The following HMBOX1 variants were observed in gnomAD, a reference collection of about 807,000 sequenced individuals.
The protein encoded by HMBOX1 is homeobox-containing protein 1.
In HMBOX1, 14 loss-of-function variants were observed where a neutral mutation model predicts 54.5. That is an observed-to-expected ratio of 0.26 (90% CI 0.17 to 0.40). The LOEUF (loss-of-function observed/expected upper bound fraction) is 0.40. Among genes scored for constraint, HMBOX1 ranks in the 10% least tolerant of loss-of-function variants. The probability of loss-of-function intolerance (pLI) is 1.00; values close to 1 mark genes in which losing one functional copy is unlikely to be tolerated. For synonymous variants in HMBOX1, 160 were observed against 181.0 expected, an observed-to-expected ratio of 0.88 and a Z score of 0.93; for missense variants, 332 against 514.4, an observed-to-expected ratio of 0.65 and a Z score of 3.43.
At chr8:29,013,662 A>T (rs893588453) in intron 5 of HMBOX1, among the ~76,000 whole-genome samples, 1 of 152,278 alleles carries the variant, frequency 6.6e-6, no homozygotes, top group Admixed American at 6.5e-5. Context: ...AAATAGGCTG[A>T]TGGAAACTAA....
chr8:29,039,307 GT>G (rs1804462123), intron 6 of HMBOX1, among the ~76,000 whole-genome samples: 1 of 152,106 alleles, frequency 6.6e-6, no homozygotes. Flanking sequence ...CAAAATCAAA[GT>G]TATTAGATCT....
chr8:28,922,062 G>A (rs1277784122), intron 1 of HMBOX1, among the ~76,000 whole-genome samples: 1 of 152,174 alleles, frequency 6.6e-6, no homozygotes, highest in Non-Finnish European at 1.5e-5. Flanking sequence ...AATATAGTTG[G>A]TTCTGTATAT....
intron 1 of HMBOX1, among the ~76,000 whole-genome samples, chr8:28,941,232 T>C (rs1563432450): frequency 6.6e-6 from 1 of 152,198 alleles, no homozygotes; most frequent in Non-Finnish European, 1.5e-5. Flanking sequence ...AAAGAGATTG[T>C]ATATGTTAAC....
At chr8:29,004,310 G>C (rs1484080520) in intron 4 of HMBOX1, among the ~76,000 whole-genome samples, 1 of 152,198 alleles carries the variant, frequency 6.6e-6, no homozygotes, top group African/African-American at 2.4e-5. Context: ...TTACTAACAT[G>C]TAAGAAGCTA....
intron 2 of HMBOX1, 69 bp from the exon 3 acceptor site, chr8:28,969,974 A>G: frequency 4.3e-6 from 4 of 936,506 alleles, no homozygotes; most frequent in Non-Finnish European, 6.6e-6. Flanking sequence ...TCTTCTGAGC[A>G]TTCTGTATAA....
At chr8:28,948,136 G>A (rs933635805) in intron 1 of HMBOX1, among the ~76,000 whole-genome samples, 5 of 152,108 alleles carry the variant, frequency 3.3e-5, no homozygotes, top group Admixed American at 3.3e-4. Context: ...TTCTCAGTAA[G>A]ACTTTCTCTG....
chr8:28,989,589 C>G (rs1462060494), intron 4 of HMBOX1, among the ~76,000 whole-genome samples: 1 of 152,124 alleles, frequency 6.6e-6, no homozygotes, highest in Non-Finnish European at 1.5e-5. Context: ...ATCCTTATAC[C>G]AATACAAACT....
chr8:28,892,022 C>A (rs1460496339), intron 1 of HMBOX1, among the ~76,000 whole-genome samples: 1 of 152,058 alleles, frequency 6.6e-6, no homozygotes, highest in Admixed American at 6.6e-5. Context: ...TCCTTAAGTC[C>A]TTCCTTTCTT....
intron 4 of HMBOX1, among the ~76,000 whole-genome samples, chr8:28,997,512 T>TAC: frequency 6.6e-6 from 1 of 152,256 alleles, no homozygotes; most frequent in East Asian, 1.9e-4. Flanking sequence ...TAGCATTTTG[T>TAC]TGAGGAGTTT....
At chr8:28,920,226 A>G (rs1265058970) in intron 1 of HMBOX1, among the ~76,000 whole-genome samples, 2 of 152,212 alleles carry the variant, frequency 1.3e-5, no homozygotes, top group African/African-American at 2.4e-5. Flanking sequence ...GCCTCTCTGC[A>G]TCAAATTCGT....
intron 4 of HMBOX1, 35 bp downstream of exon 4, chr8:28,980,191 G>A (rs1829106885): frequency 1.2e-5 from 17 of 1,439,288 alleles, no homozygotes; most frequent in Non-Finnish European, 1.7e-5. Context: ...CTGGAATCAT[G>A]TGTAGTCTCT....
intron 5 of HMBOX1, among the ~76,000 whole-genome samples, chr8:29,015,118 C>T (rs758010539): frequency 6.6e-6 from 1 of 152,050 alleles, no homozygotes; most frequent in Non-Finnish European, 1.5e-5. Flanking sequence ...ACTGTCTTGA[C>T]AATACTGAAT....
At chr8:28,949,761 CA>C (rs1421313609) in intron 1 of HMBOX1, 1 of 151,972 alleles carries the variant, frequency 6.6e-6, no homozygotes, top group Non-Finnish European at 1.5e-5. Flanking sequence ...TAGGGAAAGA[CA>C]GATAGGTATA....
intron 6 of HMBOX1, among the ~76,000 whole-genome samples, chr8:29,037,555 T>C (rs533524697): frequency 4.6e-5 from 7 of 152,336 alleles, no homozygotes; most frequent in African/African-American, 1.7e-4. Context: ...TATTTCATTT[T>C]AGTCATTTTT....
intron 1 of HMBOX1, among the ~76,000 whole-genome samples, chr8:28,936,073 A>G (rs1444284268): frequency 6.6e-6 from 1 of 152,122 alleles, no homozygotes; most frequent in Admixed American, 6.5e-5. Context: ...TATTATACAT[A>G]GTTGGTCCTT....
intron 1 of HMBOX1, among the ~76,000 whole-genome samples, chr8:28,892,434 C>A (rs1438106626): frequency 6.6e-6 from 1 of 152,094 alleles, no homozygotes; most frequent in Non-Finnish European, 1.5e-5. Flanking sequence ...TTAAGTTCTT[C>A]AATAATCCTT....
At chr8:28,954,988 A>G (rs1023522310) in intron 1 of HMBOX1, among the ~76,000 whole-genome samples, 4 of 151,974 alleles carry the variant, frequency 2.6e-5, no homozygotes, top group African/African-American at 9.7e-5. Flanking sequence ...TTCCTAATAG[A>G]TTTTTCTTGA....
intron 4 of HMBOX1, among the ~76,000 whole-genome samples, chr8:29,003,284 T>G (rs1010535741): frequency 6.6e-6 from 1 of 151,798 alleles, no homozygotes; most frequent in African/African-American, 2.4e-5. Context: ...GCATCATAAT[T>G]TATAATAGTG....
intron 1 of HMBOX1, among the ~76,000 whole-genome samples, chr8:28,945,923 A>G (rs1403050074): frequency 6.6e-6 from 1 of 150,596 alleles, no homozygotes; most frequent in African/African-American, 2.4e-5. Flanking sequence ...TGTAACCATC[A>G]TCAAATCCAT....
Sources: gnomAD v4.1 joint callset for allele counts (sites outside exome capture counted in the v4.1 genomes callset) on GRCh38, gnomAD v4.1.1 for gene constraint, MANE v1.5 for transcripts, NCBI Gene and HGNC (gene_info 2026-07-23, HGNC 2026-07-21) for gene names.